SMARCAL1: variants seen among roughly 807,000 people sequenced by gnomAD.
The protein encoded by SMARCAL1 is SNF2 related chromatin remodeling annealing helicase 1, also known as ATP-driven annealing helicase.
In SMARCAL1, 58 loss-of-function variants were observed where a neutral mutation model predicts 94.5. The observed-to-expected ratio is 0.61, with a 90% CI of 0.50 to 0.76. SMARCAL1 has a LOEUF of 0.76. Among genes scored for constraint, SMARCAL1 ranks in the 30% least tolerant of loss-of-function variants. The pLI is 0.00. For synonymous variants in SMARCAL1, 422 were observed against 455.1 expected, an observed-to-expected ratio of 0.93 and a Z score of 0.93; for missense variants, 1,051 against 1,177.9, an observed-to-expected ratio of 0.89 and a Z score of 1.58.
chr2:216,416,407 G>A, intron 4 of SMARCAL1, 100 bp downstream of exon 4: 1 of 1,032,752 alleles, frequency 9.7e-7, no homozygotes, highest in South Asian at 1.3e-5. Context: ...GGCTTTACAG[G>A]TGGTGAAAGC....
chr2:216,430,770 C>T (rs1437423321), intron 7 of SMARCAL1, among the ~76,000 whole-genome samples: 3 of 152,230 alleles, frequency 2.0e-5, no homozygotes, highest in African/African-American at 7.2e-5. Context: ...AAAAGACGCT[C>T]AAAGGGCGTG....
At chr2:216,466,631 G>T (rs555460624) in intron 13 of SMARCAL1, among the ~76,000 whole-genome samples, 1 of 152,218 alleles carries the variant, frequency 6.6e-6, no homozygotes, top group Admixed American at 6.5e-5. Context: ...CTTGTAGAAG[G>T]TTATAGAACA....
intron 5 of SMARCAL1, among the ~76,000 whole-genome samples, chr2:216,423,378 G>A (rs1014774718): frequency 1.3e-5 from 2 of 152,198 alleles, no homozygotes; most frequent in African/African-American, 2.4e-5. Flanking sequence ...CATGTATCCT[G>A]TGGCACCTTT....
At chr2:216,425,027 T>C (rs115250757) in intron 6 of SMARCAL1, among the ~76,000 whole-genome samples, 2,250 of 152,328 alleles carry the variant, frequency 0.015, 66 homozygotes, top group African/African-American at 0.052. Flanking sequence ...CAAGCGATTG[T>C]CCTGTTTCAG....
intron 17 of SMARCAL1, among the ~76,000 whole-genome samples, chr2:216,480,987 G>A (rs1053261857): frequency 6.6e-6 from 1 of 152,122 alleles, no homozygotes; most frequent in East Asian, 1.9e-4. Context: ...AAGTGATGTG[G>A]CCCAAGTAAA....
At chr2:216,480,543 G>C (rs997071029) in intron 17 of SMARCAL1, among the ~76,000 whole-genome samples, 1 of 151,996 alleles carries the variant, frequency 6.6e-6, no homozygotes, top group Non-Finnish European at 1.5e-5. Context: ...TCCTGGAGGA[G>C]GACATGTGGG....
rs574106627 is a variant in SMARCAL1 at position 216,468,169 on chromosome 2, T to C, written c.2244+123T>C. ...CTTCCGGAAGCATTGCTGAAGACTT[T>C]CTGAAGAAGAGTTCTTGCTTGTAGA... is the stretch of plus-strand genomic sequence containing the variant. On this transcript the variant is annotated intron_variant, in intron 14 of 17. Transcript: ENST00000357276. The C allele has an allele frequency of 1.1e-3, 782 of 714,624 alleles. 10 individuals carry two copies. The South Asian group carries it at 0.011, about 10-fold the overall frequency. The allele number at this position is 714,624 out of a possible 1,614,324, so 44.3% of individuals were successfully genotyped here.
At chr2:216,436,032 G>A (rs1353337663) in intron 9 of SMARCAL1, among the ~76,000 whole-genome samples, 1 of 152,142 alleles carries the variant, frequency 6.6e-6, no homozygotes, top group African/African-American at 2.4e-5. Context: ...GCAGTGGCGT[G>A]ATCTCGGCTC....
At chr2:216,479,569 C>CTA (rs140870497) in intron 17 of SMARCAL1, among the ~76,000 whole-genome samples, 127 of 151,842 alleles carry the variant, frequency 8.4e-4, no homozygotes, top group Non-Finnish European at 5.9e-4. Flanking sequence ...TCTTTCTTTG[C>CTA]AAGGATTTAT....
rs999485368 is a variant in SMARCAL1, at chr2:216,477,322, A to C, written c.2528+113A>C. 3.6e-6 allele frequency: 3 copies of C among 828,052 alleles called. No individual in the cohort carries two copies. In the African/African-American group the frequency reaches 5.1e-5, roughly 14 times the overall value. 51.3% of individuals were successfully genotyped at this position (828,052 alleles called of 1,614,324 possible). ...CTTTTGCTAAGTAAGGTCTTTAAGG[A>C]TCTATAGAAAATTGACTAGTGATGC... On this transcript the variant is annotated intron_variant, in intron 16 of 17. Transcript: ENST00000357276.
chr2:216,466,943 A>G (rs1694841094), intron 13 of SMARCAL1, among the ~76,000 whole-genome samples: 1 of 152,178 alleles, frequency 6.6e-6, no homozygotes, highest in Admixed American at 6.5e-5. Context: ...CCTGAGACAT[A>G]TCCTTCTTTA....
intron 3 of SMARCAL1, chr2:216,415,911 C>T: frequency 7.5e-6 from 3 of 402,322 alleles, no homozygotes; most frequent in South Asian, 6.8e-5. Context: ...AAGGCAGCGT[C>T]AGGATGTGAC....
Position 216,428,659 on chromosome 2 carries a change from C to T in SMARCAL1, c.1211C>T (p.Ala404Val), listed in dbSNP as rs761003078. ...CCTCTGCCCACGACTCTCACCCTGG[C>T]GTTTGCTTCTCAGCTCAAGAAGACA... ...LDPLPTTLTL[A>V]FASQLKKTSL... The change falls in exon 7 of 18, where the codon GCG becomes GTG. Residue 404 changes from alanine (A) to valine (V), a missense_variant. By Grantham distance (64) the Ala-to-Val change is moderately conservative (BLOSUM62 0). Coordinates refer to ENST00000357276, the MANE Select transcript of SMARCAL1 (RefSeq NM_014140.4). The T allele has an allele frequency of 5.6e-6, 9 of 1,614,114 alleles. No individual in the cohort carries two copies. The highest frequency in any genetic ancestry group is 1.1e-5 in the South Asian group (1 of 91,084).
At chr2:216,420,611 G>A (rs1336344205) in intron 5 of SMARCAL1, 79 bp downstream of exon 5, 3 of 1,104,552 alleles carry the variant, frequency 2.7e-6, no homozygotes, top group Admixed American at 3.5e-5. Context: ...TCTCTACCTC[G>A]AATATTCAAA....
chr2:216,457,483 CTG>C (rs1431349657), intron 12 of SMARCAL1, among the ~76,000 whole-genome samples: 4 of 152,220 alleles, frequency 2.6e-5, no homozygotes. Context: ...TTATAACAAA[CTG>C]TCTCTCAGAC....
At chr2:216,417,155 G>A (rs146929707) in intron 4 of SMARCAL1, among the ~76,000 whole-genome samples, 14 of 152,364 alleles carry the variant, frequency 9.2e-5, no homozygotes, top group Non-Finnish European at 1.9e-4. Flanking sequence ...GGATTATCTG[G>A]AGGCACCAGT....
In SMARCAL1 at chr2:216,420,290, C is replaced by G. The variant is rs188833040; in HGVS notation, c.863-9C>G. The G allele has an allele frequency of 1.4e-4, 225 of 1,609,536 alleles. No homozygotes were observed. The African/African-American group carries it at 2.2e-3, about 16-fold the overall frequency. The stretch of plus-strand genomic sequence containing the variant: ...TTATCACTTCTGTTCGATTCTTCTT[C>G]TTTGGCAGTGAAAGCAGCCCAGAGC... On this transcript the variant is annotated splice_polypyrimidine_tract_variant and intron_variant, in intron 4 of 17. Transcript: ENST00000357276.
rs892893755 is a variant in SMARCAL1 at position 216,446,522 on chromosome 2, A to T, written c.1711-496A>T. 4.7e-5 allele frequency: 17 copies of T among 362,804 alleles called. No individual in the cohort carries two copies. The Admixed American group carries it at 5.3e-4, about 11-fold the overall frequency. 22.5% of individuals were successfully genotyped at this position (362,804 alleles called of 1,614,324 possible). A position where few individuals can be genotyped will look rare whatever the true frequency, so the allele number is the denominator to read the frequency against. On this transcript the variant is annotated intron_variant, in intron 10 of 17. Coordinates refer to ENST00000357276, the MANE Select transcript of SMARCAL1 (RefSeq NM_014140.4). ...ATTGTAATTGTCATTATCTGAGTTC[A>T]ACTTGCATGTCACAGATCCACTCTG...
chr2:216,448,527 C>G (rs1694370843), intron 11 of SMARCAL1, among the ~76,000 whole-genome samples: 2 of 152,184 alleles, frequency 1.3e-5, no homozygotes, highest in South Asian at 4.1e-4. Context: ...TTTGAATTCT[C>G]CTTTTCCTGC....
Sources: allele counts gnomAD v4.1 joint callset (sites outside exome capture counted in the v4.1 genomes callset), GRCh38; gene constraint gnomAD v4.1.1; transcripts MANE v1.5; gene names NCBI Gene and HGNC (gene_info 2026-07-23, HGNC 2026-07-21).